The following NPHP1 variants were observed in gnomAD, a reference collection of about 807,000 sequenced individuals.
The protein encoded by NPHP1 is nephrocystin-1.
NPHP1 carries 70 observed loss-of-function variants against 90.4 expected under a neutral mutation model. The ratio of observed to expected loss-of-function variants is 0.77; its 90% CI spans 0.64 to 0.95. NPHP1 has a LOEUF of 0.95. Among genes scored for constraint, NPHP1 ranks in the 40% least tolerant of loss-of-function variants. NPHP1 has a pLI of 0.00. For missense variants in NPHP1, 764 were observed against 795.9 expected (o/e 0.96, Z 0.48); for synonymous variants, 256 against 271.7 (o/e 0.94, Z 0.57).
chr2:110,184,782 C>A, intron 2 of NPHP1: 1 of 709,940 alleles, frequency 1.4e-6, no homozygotes. Flanking sequence ...ACACTAGAGA[C>A]AGAGAAGGCT....
chr2:110,188,538 C>A (rs1684453413), intron 2 of NPHP1, among the ~76,000 whole-genome samples: 1 of 152,128 alleles, frequency 6.6e-6, no homozygotes, highest in African/African-American at 2.4e-5. Flanking sequence ...AGAAACATTC[C>A]ATGCTTGTGG....
intron 4 of NPHP1, among the ~76,000 whole-genome samples, chr2:110,174,814 G>C (rs547149889): frequency 2.8e-5 from 4 of 140,416 alleles, no homozygotes; most frequent in African/African-American, 1.1e-4. Context: ...TTGCATTTTT[G>C]TGCTTTTTTT....
intron 16 of NPHP1, among the ~76,000 whole-genome samples, chr2:110,136,088 T>C (rs1401829328): frequency 6.6e-6 from 1 of 152,048 alleles, no homozygotes; most frequent in East Asian, 1.9e-4. Context: ...ATTATCTCAA[T>C]AGATGCAGAA....
chr2:110,153,526 G>C (rs1681643867), intron 11 of NPHP1, among the ~76,000 whole-genome samples: 1 of 152,124 alleles, frequency 6.6e-6, no homozygotes, highest in Non-Finnish European at 1.5e-5. Context: ...AGAACTAAAG[G>C]AAGGTAAGGT....
At chr2:110,150,103 T>C in intron 12 of NPHP1, 79 bp downstream of exon 12, 2 of 1,079,210 alleles carry the variant, frequency 1.9e-6, no homozygotes, top group East Asian at 2.4e-5. Flanking sequence ...TGTTCCCACA[T>C]ACTCTGTGCT....
chr2:110,135,708 T>C (rs1328480856), intron 16 of NPHP1, among the ~76,000 whole-genome samples: 4 of 152,086 alleles, frequency 2.6e-5, no homozygotes, highest in Non-Finnish European at 4.4e-5. Flanking sequence ...TTACAAATGA[T>C]ATGTTGTCTT....
At chr2:110,132,095 A>G (rs1679829306) in intron 16 of NPHP1, among the ~76,000 whole-genome samples, 2 of 152,190 alleles carry the variant, frequency 1.3e-5, no homozygotes. Flanking sequence ...TTTTGGAAAG[A>G]AGGGGACTAG....
At chr2:110,202,581 ATCTT>A (rs1685641352) in intron 1 of NPHP1, 1 of 300,240 alleles carries the variant, frequency 3.3e-6, no homozygotes, top group African/African-American at 2.1e-5. Flanking sequence ...AGGGAGAATA[ATCTT>A]TCTAATAGTT....
Position 110,187,679 on chromosome 2 carries a change from C to T in NPHP1, c.144-7995G>A, listed in dbSNP as rs189905743. On this transcript the variant is annotated intron_variant, in intron 2 of 19. Transcript: ENST00000445609. Reference sequence around the variant, plus strand: ...TCCCTAACTGATTGTATCCAGCATCCTCCCGATACCAAAACCTGGGAGAGA... The same window carrying T: ...TCCCTAACTGATTGTATCCAGCATCTTCCCGATACCAAAACCTGGGAGAGA... Among the ~76,000 whole-genome samples the T allele has an allele frequency of 4.3e-3, 655 of 152,170 alleles. 5 individuals carry two copies. The highest frequency in any genetic ancestry group is 0.015 in the African/African-American group (627 of 41,524).
rs555468187 is a variant in NPHP1 at position 110,123,452 on chromosome 2, GGTT to G, written c.*336_*338del. On this transcript the variant is annotated 3_prime_UTR_variant, in exon 20 of 20. Transcript: ENST00000445609. ...TGCAAATATGTTTTCCCATTCTGTA[GGTT>G]GTTTTTTTCACTTTCTTGAATAATC... 1.4e-3 allele frequency: 294 copies of G among 203,890 alleles called. 3 individuals carry two copies. The highest frequency in any genetic ancestry group is 4.7e-3 in the South Asian group (49 of 10,360). The allele number at this position is 203,890 out of a possible 1,614,324, so 12.6% of individuals were successfully genotyped here. A position where few individuals can be genotyped will look rare whatever the true frequency, so the allele number is the denominator to read the frequency against.
intron 4 of NPHP1, 130 bp downstream of exon 4, chr2:110,178,293 A>C (rs1008397368): frequency 1.1e-6 from 1 of 910,434 alleles, no homozygotes; most frequent in Non-Finnish European, 1.7e-6. Context: ...ACAATAAATA[A>C]ATGTTGACTG....
At chr2:110,196,321 G>A (rs1387208667) in intron 2 of NPHP1, among the ~76,000 whole-genome samples, 11 of 151,928 alleles carry the variant, frequency 7.2e-5, no homozygotes, top group Middle Eastern at 3.4e-3. Flanking sequence ...AAAAACAAAC[G>A]ACGCCATCAA....
Position 110,123,955 on chromosome 2 carries a change from T to C in NPHP1, c.1870A>G (p.Thr624Ala). 1.2e-6 allele frequency: 2 copies of C among 1,614,134 alleles called. No homozygotes were observed. Among genetic ancestry groups the C allele is most frequent in the South Asian group, 1.1e-5 (1 of 91,074 alleles). ...ATAACTTTCCACCGTGCAGTCTCAG[T>C]CTCTTCTTCTGCCCACCTGAATGGG... ...LPPFRWAEEE[T>A]ETARWKVITD... The change falls in exon 20 of 20, where the codon ACT becomes GCT. Residue 624 changes from threonine to alanine, a missense_variant. Transcript: ENST00000445609.
chr2:110,187,526 A>G (rs1476711605), intron 2 of NPHP1, among the ~76,000 whole-genome samples: 1 of 152,084 alleles, frequency 6.6e-6, no homozygotes, highest in African/African-American at 2.4e-5. Flanking sequence ...CAGCTTTACC[A>G]AATAGCTTAC....
At chr2:110,132,481 C>G (rs1326047465) in intron 16 of NPHP1, among the ~76,000 whole-genome samples, 1 of 152,120 alleles carries the variant, frequency 6.6e-6, no homozygotes, top group Non-Finnish European at 1.5e-5. Context: ...ATGGTGAAAC[C>G]ATATCTCTGC....
intron 2 of NPHP1, among the ~76,000 whole-genome samples, chr2:110,200,752 CCTA>C (rs1685524700): frequency 6.6e-6 from 1 of 152,004 alleles, no homozygotes; most frequent in Non-Finnish European, 1.5e-5. Context: ...CTTAATCAAT[CCTA>C]CTATTATAAA....
intron 2 of NPHP1, among the ~76,000 whole-genome samples, chr2:110,189,270 T>C (rs577296909): frequency 1.4e-4 from 22 of 152,264 alleles, no homozygotes; most frequent in Non-Finnish European, 2.8e-4. Flanking sequence ...GTGAGTGTTA[T>C]AGTTCTTAAA....
intron 2 of NPHP1, among the ~76,000 whole-genome samples, chr2:110,188,609 C>G (rs1684456758): frequency 1.3e-5 from 2 of 151,986 alleles, no homozygotes; most frequent in Non-Finnish European, 2.9e-5. Flanking sequence ...AGATTCAATG[C>G]TATTCCCATC....
In NPHP1 at chr2:110,131,750, T is replaced by G; in HGVS notation, c.1571A>C (p.His524Pro). 1 of 1,612,504 alleles carries G rather than the reference T, an allele frequency of 6.2e-7. No homozygotes were observed. Among genetic ancestry groups the G allele is most frequent in the African/African-American group, 1.3e-5 (1 of 75,020 alleles). Residue 524 changes from histidine to proline, a missense_variant, in exon 17 of 20, where the codon CAC (histidine) becomes CCC (proline). By Grantham distance (77) the His-to-Pro change is moderately conservative. Transcript: ENST00000445609. ...AATTTGTCGATAAAATATCAACAAGTGAATAGAACACATATTTCCAATTAA... is the reference window on the plus strand; with the variant it reads ...AATTTGTCGATAAAATATCAACAAGGGAATAGAACACATATTTCCAATTAA... ...ETLIGNMCSI[H>P]LLIFYRQILG...
Sources: allele counts gnomAD v4.1 joint callset (sites outside exome capture counted in the v4.1 genomes callset), GRCh38; gene constraint gnomAD v4.1.1; transcripts MANE v1.5; gene names NCBI Gene and HGNC (gene_info 2026-07-23, HGNC 2026-07-21).